Variants in EXOC6 observed in about 807,000 individuals in gnomAD.
EXOC6 encodes exocyst complex component 6.
In EXOC6, 60 loss-of-function variants were observed where a neutral mutation model predicts 112.5. The observed-to-expected ratio is 0.53, with a 90% CI of 0.43 to 0.66. The LOEUF (loss-of-function observed/expected upper bound fraction) is 0.66. Ranked by LOEUF, EXOC6 falls within the 30% of genes least tolerant of loss-of-function variation. The pLI is 0.00. For synonymous variants in EXOC6, 295 were observed against 308.0 expected, an observed-to-expected ratio of 0.96 and a Z score of 0.44; for missense variants, 855 against 957.1, an observed-to-expected ratio of 0.89 and a Z score of 1.41.
At chr10:92,980,521 CTG>C (rs1842788262) in intron 18 of EXOC6, among the ~76,000 whole-genome samples, 1 of 151,778 alleles carries the variant, frequency 6.6e-6, no homozygotes, top group Non-Finnish European at 1.5e-5. Flanking sequence ...ATATTTATGC[CTG>C]TGTTTTAAAC....
upstream of EXOC6, among the ~76,000 whole-genome samples, chr10:92,834,401 G>A (rs1009097616): frequency 2.6e-5 from 4 of 152,180 alleles, no homozygotes; most frequent in South Asian, 4.1e-4. Flanking sequence ...TTTGTATAGT[G>A]TAATGACTGT....
chr10:92,961,018 G>A (rs1168494196), intron 17 of EXOC6, among the ~76,000 whole-genome samples: 1 of 151,942 alleles, frequency 6.6e-6, no homozygotes, highest in Non-Finnish European at 1.5e-5. Flanking sequence ...TTATGGTATG[G>A]GTAAAATATA....
intron 1 of EXOC6, among the ~76,000 whole-genome samples, chr10:92,853,965 G>A (rs543973676): frequency 2.7e-5 from 4 of 146,406 alleles, no homozygotes; most frequent in African/African-American, 5.1e-5. Flanking sequence ...CCGTGATCAT[G>A]CCTCTGCACT....
intron 20 of EXOC6, among the ~76,000 whole-genome samples, chr10:93,028,971 C>T (rs1845147486): frequency 6.6e-6 from 1 of 152,082 alleles, no homozygotes; most frequent in South Asian, 2.1e-4. Context: ...AGTATCCATG[C>T]TTCAGAGATA....
chr10:92,882,170 T>C (rs570187781), intron 1 of EXOC6, among the ~76,000 whole-genome samples: 4 of 152,312 alleles, frequency 2.6e-5, no homozygotes, highest in Non-Finnish European at 5.9e-5. Context: ...TGGTATTTCA[T>C]ATTGCTAACT....
At chr10:93,003,936 A>G (rs965809794) in intron 19 of EXOC6, among the ~76,000 whole-genome samples, 6 of 152,216 alleles carry the variant, frequency 3.9e-5, no homozygotes, top group African/African-American at 1.2e-4. Context: ...GGAATCTTCA[A>G]ATAATCATAT....
chr10:93,047,206 T>A lies in EXOC6; in HGVS notation c.2170-9718T>A, dbSNP rs1251434201. On this transcript the variant is annotated intron_variant, in intron 20 of 21. Transcript: ENST00000260762. ...TGGCCCCAGAGGAGAGATTGTGATGTCTGAACTAGGACAGGCGTAGTAATA... is the reference window on the plus strand; with the variant it reads ...TGGCCCCAGAGGAGAGATTGTGATGACTGAACTAGGACAGGCGTAGTAATA... 5.9e-5 allele frequency among the ~76,000 whole-genome samples: 9 copies of A among 152,264 alleles called. No homozygotes were observed. In the East Asian group the frequency reaches 1.7e-3, roughly 29 times the overall value.
intron 2 of EXOC6, 38 bp from the exon 3 acceptor site, chr10:92,894,756 G>A (rs757208581): frequency 1.3e-5 from 20 of 1,572,104 alleles, no homozygotes; most frequent in South Asian, 3.3e-5. Flanking sequence ...GCAGTTTTAT[G>A]CATATTTGTC....
chr10:93,044,221 AATT>A (rs1248501327), intron 20 of EXOC6, among the ~76,000 whole-genome samples: 11 of 152,336 alleles, frequency 7.2e-5, no homozygotes, highest in Admixed American at 6.5e-4. Flanking sequence ...TTGTCGCGCA[AATT>A]ATTATACGTG....
At chr10:92,863,635 C>T (rs562287915) in intron 1 of EXOC6, among the ~76,000 whole-genome samples, 6 of 151,806 alleles carry the variant, frequency 4.0e-5, no homozygotes, top group East Asian at 1.9e-4. Context: ...AAGAAAAGTC[C>T]GGTGCGGTGG....
At chr10:92,905,483 A>AT (rs1850390430) in intron 5 of EXOC6, among the ~76,000 whole-genome samples, 1 of 151,976 alleles carries the variant, frequency 6.6e-6, no homozygotes, top group Non-Finnish European at 1.5e-5. Flanking sequence ...AGTTCCAGAA[A>AT]ATTTTTTGTT....
In EXOC6 at chr10:93,014,283, G is replaced by A. The variant is rs751503839; in HGVS notation, c.2169+16G>A. 1.9e-6 allele frequency: 3 copies of A among 1,595,338 alleles called. No individual in the cohort carries two copies. In the South Asian group the frequency reaches 3.3e-5, roughly 18 times the overall value. On this transcript the variant is annotated intron_variant, in intron 20 of 21. Coordinates refer to ENST00000260762, the MANE Select transcript of EXOC6 (RefSeq NM_019053.6). The stretch of plus-strand genomic sequence containing the variant: ...CCTCAGACAAGTAAGATATAATAAT[G>A]TACTTCCCATTTGTTGCCCTCTAAC...
At chr10:92,838,203 G>C (rs931781111) in intron 1 of EXOC6, among the ~76,000 whole-genome samples, 4 of 152,140 alleles carry the variant, frequency 2.6e-5, no homozygotes, top group Admixed American at 1.3e-4. Context: ...ACATCATCTG[G>C]GAAAACAAGT....
At chr10:92,925,838 A>T (rs7081182) in intron 8 of EXOC6, among the ~76,000 whole-genome samples, 5,076 of 151,526 alleles carry the variant, frequency 0.033, 168 homozygotes, top group African/African-American at 0.079. Context: ...TAAAAAAAAA[A>T]TTTTTTTTAA....
intron 19 of EXOC6, among the ~76,000 whole-genome samples, chr10:93,011,670 A>G (rs1251572737): frequency 6.6e-6 from 1 of 152,194 alleles, no homozygotes; most frequent in Non-Finnish European, 1.5e-5. Flanking sequence ...GTAATATAAA[A>G]GGTATAATTT....
At chr10:92,993,673 TATG>T (rs1843361403) in intron 18 of EXOC6, among the ~76,000 whole-genome samples, 1 of 152,224 alleles carries the variant, frequency 6.6e-6, no homozygotes, top group Non-Finnish European at 1.5e-5. Flanking sequence ...CTTGTTATTT[TATG>T]ATATTTCACA....
intron 18 of EXOC6, among the ~76,000 whole-genome samples, chr10:92,976,473 G>C (rs911428319): frequency 4.6e-5 from 7 of 151,706 alleles, no homozygotes; most frequent in South Asian, 2.1e-4. Flanking sequence ...CAGCATGCTC[G>C]TTAAGAGTCA....
At chr10:93,044,015 TACTA>T (rs1372503966) in intron 20 of EXOC6, among the ~76,000 whole-genome samples, 3 of 152,200 alleles carry the variant, frequency 2.0e-5, no homozygotes, top group African/African-American at 4.8e-5. Context: ...AGAAATCTGT[TACTA>T]ACTAAGCATT....
chr10:92,965,983 T>C (rs1842031410), intron 17 of EXOC6, among the ~76,000 whole-genome samples: 1 of 152,152 alleles, frequency 6.6e-6, no homozygotes, highest in African/African-American at 2.4e-5. Context: ...ATTTGCTTCC[T>C]ATTATAGCCC....
Sources: allele counts gnomAD v4.1 joint callset (sites outside exome capture counted in the v4.1 genomes callset), GRCh38; gene constraint gnomAD v4.1.1; transcripts MANE v1.5; gene names NCBI Gene and HGNC (gene_info 2026-07-23, HGNC 2026-07-21).